ABI3BP: variants seen among roughly 807,000 people sequenced by gnomAD.
The protein encoded by ABI3BP is ABI family member 3 binding protein, also known as target of Nesh-SH3.
In ABI3BP, 216 loss-of-function variants were observed where a neutral mutation model predicts 268.6. That is an observed-to-expected ratio of 0.80 (90% CI 0.72 to 0.90). The LOEUF is 0.90. Among genes scored for constraint, ABI3BP ranks in the 40% least tolerant of loss-of-function variants. The pLI is 0.00. For missense variants in ABI3BP, 2,090 were observed against 2,182.4 expected (o/e 0.96, Z 0.84); for synonymous variants, 730 against 730.0 (o/e 1.00, Z 0.00).
intron 51 of ABI3BP, among the ~76,000 whole-genome samples, chr3:100,800,347 A>G (rs1488601615): frequency 6.6e-6 from 1 of 152,332 alleles, no homozygotes; most frequent in East Asian, 1.9e-4. Context: ...AATTGTCTAA[A>G]GAAAAAAAAT....
intron 3 of ABI3BP, among the ~76,000 whole-genome samples, chr3:100,901,057 A>C (rs1214168493): frequency 6.6e-6 from 1 of 152,180 alleles, no homozygotes; most frequent in Non-Finnish European, 1.5e-5. Context: ...GTGGCTCAAT[A>C]TTTTTGAAGT....
chr3:100,886,192 A>C lies in ABI3BP; in HGVS notation c.593T>G (p.Val198Gly). Residue 198 changes from valine to glycine, a missense_variant, in exon 5 of 68, where the codon GTG becomes GGG. Coordinates refer to ENST00000471714, the MANE Select transcript of ABI3BP (RefSeq NM_001375547.2). ...TVYEFGVKDN[V>G]EGGIWSKIFN... ...AATCTTACTCCAAATTCCACCTTCC[A>C]CATTGTCTTTCACTCCAAATTCATA... 6.2e-7 allele frequency: 1 copy of C among 1,605,736 alleles called. No homozygotes were observed. Among genetic ancestry groups the C allele is most frequent in the Non-Finnish European group, 8.5e-7 (1 of 1,175,904 alleles).
At chr3:100,911,862 A>G in intron 2 of ABI3BP, 1 of 1,600,100 alleles carries the variant, frequency 6.2e-7, no homozygotes, top group Non-Finnish European at 8.6e-7. Flanking sequence ...TCTAAACGTC[A>G]TGATCTGATC....
chr3:100,911,989 G>T, intron 2 of ABI3BP: 1 of 813,704 alleles, frequency 1.2e-6, no homozygotes, highest in Non-Finnish European at 2.2e-6. Flanking sequence ...AAAAAAGCAT[G>T]GAATATATTT....
At chr3:100,754,564 C>G in intron 64 of ABI3BP, 48 bp downstream of exon 64, 1 of 1,504,636 alleles carries the variant, frequency 6.6e-7, no homozygotes, top group Non-Finnish European at 9.1e-7. Context: ...CATTGCTCCA[C>G]TGTGGCCCTT....
chr3:100,824,944 G>A lies in ABI3BP; in HGVS notation c.2663-3C>T, dbSNP rs1186627613. The A allele has an allele frequency of 2.6e-6, 4 of 1,535,190 alleles. No individual in the cohort carries two copies. In the South Asian group the frequency reaches 4.8e-5, roughly 18 times the overall value. Reference sequence around the variant, plus strand: ...GGTTCTTTTTGATGTTTTGGTAGCTGAAGGAAGAAAAAGCCTTGTGTTACT... The same window carrying A: ...GGTTCTTTTTGATGTTTTGGTAGCTAAAGGAAGAAAAAGCCTTGTGTTACT... On this transcript the variant is annotated splice_region_variant and splice_polypyrimidine_tract_variant and intron_variant, in intron 35 of 67. Coordinates refer to ENST00000471714, the MANE Select transcript of ABI3BP (RefSeq NM_001375547.2).
intron 9 of ABI3BP, among the ~76,000 whole-genome samples, chr3:100,869,758 C>T (rs1038317074): frequency 6.6e-6 from 1 of 152,122 alleles, no homozygotes; most frequent in Non-Finnish European, 1.5e-5. Context: ...AGCATTCACC[C>T]ACACTATCTA....
chr3:100,969,708 G>C (rs1281080189), intron 1 of ABI3BP, among the ~76,000 whole-genome samples: 1 of 152,138 alleles, frequency 6.6e-6, no homozygotes, highest in Non-Finnish European at 1.5e-5. Context: ...TGAAAAGGAA[G>C]AATGACTTTT....
intron 62 of ABI3BP, among the ~76,000 whole-genome samples, chr3:100,769,256 A>G (rs995038416): frequency 1.3e-5 from 2 of 152,216 alleles, no homozygotes; most frequent in African/African-American, 4.8e-5. Context: ...TATTTAGGAA[A>G]TTCTGCAGCT....
intron 10 of ABI3BP, 71 bp downstream of exon 10, chr3:100,866,808 G>T (rs2099054695): frequency 7.9e-7 from 1 of 1,262,866 alleles, no homozygotes; most frequent in South Asian, 1.3e-5. Flanking sequence ...CTGAAAAAAA[G>T]ACTGCAGATT....
At chr3:100,909,450 A>G (rs1337338700) in intron 2 of ABI3BP, among the ~76,000 whole-genome samples, 1 of 152,144 alleles carries the variant, frequency 6.6e-6, no homozygotes, top group Non-Finnish European at 1.5e-5. Context: ...TCTGCACAGC[A>G]AAAGAAACTA....
chr3:100,777,365 C>A (rs75445005), intron 59 of ABI3BP, among the ~76,000 whole-genome samples: 2,290 of 152,256 alleles, frequency 0.015, 28 homozygotes, highest in Non-Finnish European at 0.026. Context: ...TGAGGTAAAG[C>A]TTCTGTCTGA....
At chr3:100,829,796 AT>A in intron 32 of ABI3BP, 132 bp from the exon 33 acceptor site, 1 of 639,902 alleles carries the variant, frequency 1.6e-6, no homozygotes, top group Non-Finnish European at 2.7e-6. Context: ...CCCTATTTCA[AT>A]ACAGTGTCTC....
At position 100,828,461 on chromosome 3, in the gene ABI3BP, A is replaced by C. The variant is rs755679217; in HGVS notation, c.2543-9T>G. On this transcript the variant is annotated splice_polypyrimidine_tract_variant and intron_variant, in intron 33 of 67. Transcript: ENST00000471714. ...AAAGATTGTAGCAGGAACTGGCCAA[A>C]AATAATAAAAATAAAACACCAACAA... is the stretch of plus-strand genomic sequence containing the variant. 2.0e-6 allele frequency: 3 copies of C among 1,529,624 alleles called. No homozygotes were observed. The South Asian group carries it at 3.6e-5, about 18-fold the overall frequency. 94.8% of individuals were successfully genotyped at this position (1,529,624 alleles called of 1,614,324 possible). A position where few individuals can be genotyped will look rare whatever the true frequency, so the allele number is the denominator to read the frequency against.
At chr3:100,890,643 C>T (rs1394848279) in intron 4 of ABI3BP, among the ~76,000 whole-genome samples, 1 of 152,166 alleles carries the variant, frequency 6.6e-6, no homozygotes, top group Non-Finnish European at 1.5e-5. Flanking sequence ...TCTTCTCCCA[C>T]TTTCTTACCA....
intron 1 of ABI3BP, among the ~76,000 whole-genome samples, chr3:100,947,621 G>A (rs1255384161): frequency 6.6e-6 from 1 of 152,104 alleles, no homozygotes; most frequent in Admixed American, 6.6e-5. Context: ...CTTAGACACT[G>A]CAAATATGAA....
chr3:100,778,409 TA>T, intron 58 of ABI3BP, 33 bp from the exon 59 acceptor site: 1 of 1,564,394 alleles, frequency 6.4e-7, no homozygotes, highest in Non-Finnish European at 8.7e-7. Context: ...GTATTTTAGA[TA>T]AAGCCATCAT....
chr3:100,754,778 A>G, intron 63 of ABI3BP, 87 bp from the exon 64 acceptor site: 2 of 1,048,594 alleles, frequency 1.9e-6, no homozygotes, highest in South Asian at 2.8e-5. Context: ...CATCCACTAT[A>G]CTGACATCCC....
At chr3:100,804,993 A>G in intron 50 of ABI3BP, 127 bp from the exon 51 acceptor site, 4 of 728,580 alleles carry the variant, frequency 5.5e-6, no homozygotes, top group South Asian at 3.4e-5. Context: ...AAGACAGAAG[A>G]AGGAGTTAGA....
Sources: allele counts gnomAD v4.1 joint callset (sites outside exome capture counted in the v4.1 genomes callset), GRCh38; gene constraint gnomAD v4.1.1; transcripts MANE v1.5; gene names NCBI Gene and HGNC (gene_info 2026-07-23, HGNC 2026-07-21).